Variants in XKR4 observed in about 807,000 individuals in gnomAD.
XKR4 encodes XK related 4.
In XKR4, 12 loss-of-function variants were observed where a neutral mutation model predicts 53.9. That is an observed-to-expected ratio of 0.22 (90% CI 0.14 to 0.36). The LOEUF (loss-of-function observed/expected upper bound fraction) is 0.36, where lower values mean the gene tolerates loss of function less well. Among genes scored for constraint, XKR4 ranks in the 10% least tolerant of loss-of-function variants. XKR4 has a pLI of 1.00. For missense variants in XKR4, 799 were observed against 859.5 expected, an observed-to-expected ratio of 0.93 and a Z score of 0.88; for synonymous variants, 354 against 362.4, an observed-to-expected ratio of 0.98 and a Z score of 0.26.
intron 1 of XKR4, among the ~76,000 whole-genome samples, chr8:55,356,068 T>C (rs866063968): frequency 6.6e-6 from 1 of 152,178 alleles, no homozygotes; most frequent in African/African-American, 2.4e-5. Context: ...GTACCTTTCT[T>C]GAGGGATCTA....
Position 55,533,943 on chromosome 8 carries a change from CG to C in XKR4, c.*9717del, listed in dbSNP as rs1755410390. 6.6e-6 allele frequency: 1 copy of C among 151,952 alleles called. No homozygotes were observed. Among genetic ancestry groups the C allele is most frequent in the Non-Finnish European group, 1.5e-5 (1 of 67,994 alleles). The allele number at this position is 151,952 out of a possible 1,614,324, so 9.4% of individuals were successfully genotyped here. A position where few individuals can be genotyped will look rare whatever the true frequency, so the allele number is the denominator to read the frequency against. ...TGCTTCATTTGTTTTTTCCAGTAAACGCTGTTTTGAAAAAAAAGAAAAATAT... is the reference window on the plus strand; with the variant it reads ...TGCTTCATTTGTTTTTTCCAGTAAACCTGTTTTGAAAAAAAAGAAAAATAT... On this transcript the variant is annotated 3_prime_UTR_variant, in exon 3 of 3. Transcript: ENST00000327381.
rs1054316669 is a variant in XKR4 at position 55,396,334 on chromosome 8, C to A, written c.1006+38457C>A. Among the ~76,000 whole-genome samples the A allele has an allele frequency of 2.7e-5, 4 of 150,626 alleles. No individual in the cohort carries two copies. In the East Asian group the frequency reaches 7.8e-4, roughly 29 times the overall value. ...CTTTATCACCTGGACTGGGTAGATG[C>A]CCTGCAAACATTTTGTTGGGACAGA... On this transcript the variant is annotated intron_variant, in intron 2 of 2. Transcript: ENST00000327381.
chr8:55,471,356 T>C (rs1421300487), intron 2 of XKR4, among the ~76,000 whole-genome samples: 1 of 152,074 alleles, frequency 6.6e-6, no homozygotes, highest in Non-Finnish European at 1.5e-5. Flanking sequence ...TAAGCCTGTG[T>C]TTCCCAAAGT....
intron 1 of XKR4, among the ~76,000 whole-genome samples, chr8:55,143,971 A>G (rs1044686239): frequency 3.3e-5 from 5 of 152,196 alleles, no homozygotes; most frequent in African/African-American, 1.2e-4. Context: ...TATCATTTAC[A>G]ACAACTTGGC....
chr8:55,475,500 T>C (rs1453909178), intron 2 of XKR4, among the ~76,000 whole-genome samples: 1 of 152,060 alleles, frequency 6.6e-6, no homozygotes, highest in Non-Finnish European at 1.5e-5. Context: ...CACTGCAGCC[T>C]CAATCTCCCA....
At chr8:55,461,899 T>C (rs185616305) in intron 2 of XKR4, among the ~76,000 whole-genome samples, 8 of 152,092 alleles carry the variant, frequency 5.3e-5, no homozygotes, top group Non-Finnish European at 1.2e-4. Flanking sequence ...ATGAATGATA[T>C]GAAGCATGAA....
intron 1 of XKR4, among the ~76,000 whole-genome samples, chr8:55,160,401 G>C (rs904710878): frequency 1.3e-5 from 2 of 152,168 alleles, no homozygotes; most frequent in Non-Finnish European, 2.9e-5. Flanking sequence ...AGGAGGGTTA[G>C]AATTAGAGGT....
At chr8:55,226,173 A>G (rs1467395728) in intron 1 of XKR4, among the ~76,000 whole-genome samples, 1 of 152,256 alleles carries the variant, frequency 6.6e-6, no homozygotes. Flanking sequence ...ATCTTTAAAT[A>G]CAAAGATTAA....
chr8:55,506,361 A>G (rs970188345), intron 2 of XKR4, among the ~76,000 whole-genome samples: 16 of 152,176 alleles, frequency 1.1e-4, no homozygotes, highest in Admixed American at 8.5e-4. Flanking sequence ...TTTCCCACTC[A>G]AGACCTCAGC....
chr8:55,211,028 G>A (rs1364882620), intron 1 of XKR4, among the ~76,000 whole-genome samples: 1 of 152,108 alleles, frequency 6.6e-6, no homozygotes, highest in African/African-American at 2.4e-5. Flanking sequence ...GCAGCTGTGG[G>A]GATATCTTAA....
chr8:55,455,079 C>T, intron 2 of XKR4: 1 of 693,268 alleles, frequency 1.4e-6, no homozygotes, highest in Non-Finnish European at 2.7e-6. Context: ...TGGCCTTTCC[C>T]ACTCCCGCGC....
At chr8:55,241,326 C>A (rs1047589724) in intron 1 of XKR4, among the ~76,000 whole-genome samples, 17 of 152,180 alleles carry the variant, frequency 1.1e-4, no homozygotes, top group African/African-American at 3.9e-4. Context: ...CTACAGCAAC[C>A]TTTGTGGTCC....
intron 2 of XKR4, among the ~76,000 whole-genome samples, chr8:55,437,177 A>G (rs1805189209): frequency 6.6e-6 from 1 of 151,946 alleles, no homozygotes; most frequent in East Asian, 1.9e-4. Context: ...TGCTTATTCA[A>G]TTTTCTTTTA....
rs1354700644 is a variant in XKR4, at chr8:55,536,969, T to C, written c.*12742T>C. On this transcript the variant is annotated 3_prime_UTR_variant, in exon 3 of 3. Coordinates refer to ENST00000327381, the MANE Select transcript of XKR4 (RefSeq NM_052898.2). ...TACAAGTTTCTTAAGTTTTTATTCT[T>C]CAAATAGAAGTTTTAATTTTAAGCA... The C allele has an allele frequency of 6.6e-6, 1 of 152,270 alleles. No homozygotes were observed. Among genetic ancestry groups the C allele is most frequent in the Non-Finnish European group, 1.5e-5 (1 of 68,044 alleles). The allele number at this position is 152,270 out of a possible 1,614,324, so 9.4% of individuals were successfully genotyped here. A position where few individuals can be genotyped will look rare whatever the true frequency, so the allele number is the denominator to read the frequency against.
chr8:55,478,544 T>C (rs1806041341), intron 2 of XKR4, among the ~76,000 whole-genome samples: 1 of 152,058 alleles, frequency 6.6e-6, no homozygotes, highest in Non-Finnish European at 1.5e-5. Context: ...ACTCCACACA[T>C]AACAATATTA....
chr8:55,172,113 C>G (rs992230724), intron 1 of XKR4, among the ~76,000 whole-genome samples: 1 of 151,824 alleles, frequency 6.6e-6, no homozygotes, highest in African/African-American at 2.4e-5. Flanking sequence ...ACTCACAAGG[C>G]TGAGGCATGA....
At chr8:55,303,251 T>A (rs547319551) in intron 1 of XKR4, among the ~76,000 whole-genome samples, 3 of 152,354 alleles carry the variant, frequency 2.0e-5, no homozygotes, top group African/African-American at 7.2e-5. Context: ...TCTATTGATA[T>A]AATCCTGTGG....
In XKR4 at chr8:55,289,677, G is replaced by GAGAAGAA. The variant is rs1554516152; in HGVS notation, c.807-67997_807-67996insGAAAGAA. 1.1e-4 allele frequency among the ~76,000 whole-genome samples: 14 copies of GAGAAGAA among 125,072 alleles called. 1 individual carries two copies. Among genetic ancestry groups the GAGAAGAA allele is most frequent in the Non-Finnish European group, 1.9e-4 (12 of 62,450 alleles). The allele number at this position is 125,072 out of a possible 152,430, so 82.1% of individuals were successfully genotyped here. ...AGGAAGGAAAAGAAAAGAAAAGAAAGAGAAAGAAAGAAAGAAAGAGAAAGA... is the reference window on the plus strand; with the variant it reads ...AGGAAGGAAAAGAAAAGAAAAGAAAGAGAAGAAAGAAAGAAAGAAAGAAAGAGAAAGA... On this transcript the variant is annotated intron_variant, in intron 1 of 2. Coordinates refer to ENST00000327381, the MANE Select transcript of XKR4 (RefSeq NM_052898.2).
intron 2 of XKR4, among the ~76,000 whole-genome samples, chr8:55,499,104 T>C (rs533342790): frequency 3.9e-5 from 6 of 152,336 alleles, no homozygotes; most frequent in African/African-American, 1.4e-4. Flanking sequence ...CGTTAACAAA[T>C]ATCTTCAGAA....
Sources: gnomAD v4.1 joint callset for allele counts (sites outside exome capture counted in the v4.1 genomes callset) on GRCh38, gnomAD v4.1.1 for gene constraint, MANE v1.5 for transcripts, NCBI Gene and HGNC (gene_info 2026-07-23, HGNC 2026-07-21) for gene names.